CNTNAP2: variants seen among roughly 807,000 people sequenced by gnomAD.
The protein encoded by CNTNAP2 is contactin-associated protein-like 2.
Under a neutral mutation model 155.2 loss-of-function variants are expected in CNTNAP2, and 98 were observed. The ratio of observed to expected loss-of-function variants is 0.63; its 90% CI spans 0.54 to 0.75. The LOEUF is 0.75. CNTNAP2 is among the 30% of genes least tolerant of loss of function. CNTNAP2 has a pLI of 0.00. For synonymous variants in CNTNAP2, 651 were observed against 631.2 expected (o/e 1.03, Z -0.47); for missense variants, 1,727 against 1,688.1 (o/e 1.02, Z -0.40).
chr7:146,516,522 A>G (rs1038257205), intron 1 of CNTNAP2, among the ~76,000 whole-genome samples: 4 of 152,024 alleles, frequency 2.6e-5, no homozygotes, highest in African/African-American at 9.7e-5. Flanking sequence ...GGCAGTATTG[A>G]ATTTTCATAT....
At chr7:147,198,625 G>GT (rs1802857358) in intron 8 of CNTNAP2, among the ~76,000 whole-genome samples, 4 of 152,138 alleles carry the variant, frequency 2.6e-5, no homozygotes, top group Non-Finnish European at 5.9e-5. Flanking sequence ...CTGCTGTTTT[G>GT]TTGTTTACCA....
intron 12 of CNTNAP2, among the ~76,000 whole-genome samples, chr7:147,595,868 T>C (rs114751906): frequency 1.5e-3 from 222 of 152,372 alleles, no homozygotes; most frequent in African/African-American, 4.9e-3. Context: ...CTCCATCTCC[T>C]TTGAAGACTC....
intron 10 of CNTNAP2, among the ~76,000 whole-genome samples, chr7:147,442,485 A>G (rs976797559): frequency 6.6e-6 from 1 of 152,144 alleles, no homozygotes. Flanking sequence ...CCAAGAGCCC[A>G]TTTTGTGCCC....
At chr7:146,858,355 C>T (rs1795033203) in intron 3 of CNTNAP2, among the ~76,000 whole-genome samples, 1 of 152,098 alleles carries the variant, frequency 6.6e-6, no homozygotes, top group Admixed American at 6.5e-5. Flanking sequence ...GTCTAGTTTC[C>T]CTGCCAACAC....
intron 14 of CNTNAP2, among the ~76,000 whole-genome samples, chr7:147,916,088 A>AT (rs1192603211): frequency 5.3e-5 from 8 of 152,182 alleles, no homozygotes; most frequent in African/African-American, 1.9e-4. Context: ...GAACTAAAAA[A>AT]CTTCAGGAGG....
At chr7:147,667,795 C>CAA (rs549630597) in intron 13 of CNTNAP2, among the ~76,000 whole-genome samples, 2,035 of 129,626 alleles carry the variant, frequency 0.016, 51 homozygotes, top group African/African-American at 0.052. Flanking sequence ...GCTGCTGCTG[C>CAA]AAAAAAAAAA....
rs1403561788 is a variant in CNTNAP2, at chr7:147,967,619, G to T, written c.2256-10243G>T. Among the ~76,000 whole-genome samples, 3 of 152,164 alleles carry T rather than the reference G, an allele frequency of 2.0e-5. No homozygotes were observed. The East Asian group carries it at 5.8e-4, about 29-fold the overall frequency. ...TCCTAGTCTATTACCTCTGAAAAAT[G>T]AGGGTAATAATTAGATTATCTCCCA... On this transcript the variant is annotated intron_variant, in intron 14 of 23. Transcript: ENST00000361727.
At chr7:147,448,775 ATAAAGT>A (rs1169810199) in intron 10 of CNTNAP2, among the ~76,000 whole-genome samples, 1 of 152,114 alleles carries the variant, frequency 6.6e-6, no homozygotes, top group Non-Finnish European at 1.5e-5. Context: ...TGTTATAAAA[ATAAAGT>A]TAAATTGCTT....
At chr7:147,247,298 A>G (rs1804089693) in intron 8 of CNTNAP2, among the ~76,000 whole-genome samples, 1 of 152,210 alleles carries the variant, frequency 6.6e-6, no homozygotes, top group South Asian at 2.1e-4. Flanking sequence ...TCTGCTAAAC[A>G]ACAGAATCAA....
At chr7:147,269,311 A>T (rs958270733) in intron 8 of CNTNAP2, among the ~76,000 whole-genome samples, 2 of 152,166 alleles carry the variant, frequency 1.3e-5, no homozygotes, top group African/African-American at 4.8e-5. Context: ...TCTAATTGCA[A>T]AAAACAAAGA....
At chr7:147,925,288 G>GCGCA (rs1554450451) in intron 14 of CNTNAP2, among the ~76,000 whole-genome samples, 882 of 67,350 alleles carry the variant, frequency 0.013, 15 homozygotes, top group South Asian at 0.021. Context: ...ACACAAGCGC[G>GCGCA]CGCGCACACA....
chr7:147,024,140 A>G (rs954741483), intron 3 of CNTNAP2, among the ~76,000 whole-genome samples: 2 of 152,212 alleles, frequency 1.3e-5, no homozygotes, highest in Non-Finnish European at 2.9e-5. Flanking sequence ...CAAGAAATTT[A>G]AAAAATGGAC....
At chr7:147,792,291 T>C in intron 13 of CNTNAP2, among the ~76,000 whole-genome samples, 1 of 152,194 alleles carries the variant, frequency 6.6e-6, no homozygotes, top group East Asian at 1.9e-4. Flanking sequence ...AATTTTAGAA[T>C]CGTTTCAGTA....
At chr7:146,397,990 C>T (rs936662047) in intron 1 of CNTNAP2, among the ~76,000 whole-genome samples, 6 of 151,672 alleles carry the variant, frequency 4.0e-5, no homozygotes, top group Non-Finnish European at 5.9e-5. Context: ...TCTCCCACCT[C>T]AGCCTCCCCG....
chr7:146,585,738 GAAAA>G (rs765734138), intron 1 of CNTNAP2, among the ~76,000 whole-genome samples: 2 of 127,444 alleles, frequency 1.6e-5, no homozygotes, highest in South Asian at 5.1e-4. Flanking sequence ...AAGAAAGAAA[GAAAA>G]AGAAAGAAGG....
At chr7:148,365,722 G>A (rs1375147190) in intron 21 of CNTNAP2, among the ~76,000 whole-genome samples, 5 of 47,382 alleles carry the variant, frequency 1.1e-4, no homozygotes, top group African/African-American at 2.1e-4. Context: ...ATATGTATAC[G>A]TGTATATATG....
chr7:146,948,278 C>T (rs1197282229), intron 3 of CNTNAP2, among the ~76,000 whole-genome samples: 1 of 129,904 alleles, frequency 7.7e-6, no homozygotes, highest in Non-Finnish European at 1.7e-5. Flanking sequence ...AGTGGTGACA[C>T]AGACCATGTT....
At chr7:146,964,475 C>T (rs1797617567) in intron 3 of CNTNAP2, among the ~76,000 whole-genome samples, 1 of 152,134 alleles carries the variant, frequency 6.6e-6, no homozygotes, top group African/African-American at 2.4e-5. Context: ...AAGTACAGAT[C>T]AATTTGTTAG....
At chr7:147,945,868 C>CTTTTTTTTTTTTTTTTTTTTT (rs34305612) in intron 14 of CNTNAP2, among the ~76,000 whole-genome samples, 1 of 123,362 alleles carries the variant, frequency 8.1e-6, no homozygotes, top group African/African-American at 3.0e-5. Flanking sequence ...TTTTCTTTTT[C>CTTTTTTTTTTTTTTTTTTTTT]TTTTTTTTTT....
Sources: allele counts gnomAD v4.1 joint callset (sites outside exome capture counted in the v4.1 genomes callset), GRCh38; gene constraint gnomAD v4.1.1; transcripts MANE v1.5; gene names NCBI Gene and HGNC (gene_info 2026-07-23, HGNC 2026-07-21).